The following RBFOX2 variants were observed in gnomAD, a reference collection of about 807,000 sequenced individuals.
RBFOX2 encodes the protein RNA binding protein fox-1 homolog 2.
A neutral mutation model predicts 49.1 loss-of-function variants in RBFOX2; 10 were observed. That is an observed-to-expected ratio of 0.20 (90% CI 0.13 to 0.35). The LOEUF (loss-of-function observed/expected upper bound fraction) is 0.35, where lower values mean the gene tolerates loss of function less well. Among genes scored for constraint, RBFOX2 ranks in the 10% least tolerant of loss-of-function variants. The pLI is 1.00. For synonymous variants in RBFOX2, 183 were observed against 187.4 expected (o/e 0.98, Z 0.19); for missense variants, 323 against 486.9 (o/e 0.66, Z 3.17).
chr22:35,974,218 G>A (rs978307202), intron 1 of RBFOX2, among the ~76,000 whole-genome samples: 1 of 152,204 alleles, frequency 6.6e-6, no homozygotes, highest in Middle Eastern at 3.2e-3. Context: ...AAGAATTGCC[G>A]CCTTTTCCTT....
intron 1 of RBFOX2, chr22:35,824,354 C>T (rs1955187608): frequency 6.6e-6 from 1 of 152,186 alleles, no homozygotes; most frequent in African/African-American, 2.4e-5. Flanking sequence ...CTCCCTCCTT[C>T]TTCATGAATG....
At chr22:35,746,374 A>C in intron 10 of RBFOX2, 99 bp downstream of exon 12, 4 of 1,117,750 alleles carry the variant, frequency 3.6e-6, no homozygotes, top group Non-Finnish European at 5.2e-6. Context: ...CGATGTGCTA[A>C]GAGCTGCTGT....
chr22:35,980,714 C>G (rs891171559), intron 1 of RBFOX2, among the ~76,000 whole-genome samples: 1 of 151,912 alleles, frequency 6.6e-6, no homozygotes, highest in Non-Finnish European at 1.5e-5. Context: ...ACACCATTTA[C>G]AAGACAAAAA....
At chr22:35,784,800 C>T (rs749012732) in intron 2 of RBFOX2, among the ~76,000 whole-genome samples, 2 of 152,156 alleles carry the variant, frequency 1.3e-5, no homozygotes, top group African/African-American at 2.4e-5. Flanking sequence ...AGCTGGTTGC[C>T]GTGAGAGGGC....
At chr22:35,787,465 A>C (rs78677655) in intron 2 of RBFOX2, among the ~76,000 whole-genome samples, 2,279 of 152,288 alleles carry the variant, frequency 0.015, 49 homozygotes, top group African/African-American at 0.051. Flanking sequence ...AGAACTACTA[A>C]ACTGATACAG....
At chr22:35,858,095 A>G (rs540719526) in intron 1 of RBFOX2, among the ~76,000 whole-genome samples, 1 of 152,336 alleles carries the variant, frequency 6.6e-6, no homozygotes, top group East Asian at 1.9e-4. Context: ...ATGAGTAAAA[A>G]GAATGGTAGC....
At chr22:35,815,382 C>A (rs866573139) in intron 1 of RBFOX2, among the ~76,000 whole-genome samples, 2 of 152,160 alleles carry the variant, frequency 1.3e-5, no homozygotes, top group African/African-American at 2.4e-5. Flanking sequence ...TAAGAGAACA[C>A]AGAAATGACC....
intron 1 of RBFOX2, among the ~76,000 whole-genome samples, chr22:36,000,975 T>C (rs962762843): frequency 2.0e-5 from 3 of 152,146 alleles, no homozygotes; most frequent in African/African-American, 7.2e-5. Context: ...TCTGACAGAT[T>C]ATATGATTTG....
At chr22:35,962,504 C>T (rs765570659), upstream of RBFOX2, among the ~76,000 whole-genome samples, 1 of 152,160 alleles carries the variant, frequency 6.6e-6, no homozygotes, top group Non-Finnish European at 1.5e-5. Context: ...TAGTAAAATT[C>T]CTGTGGATAT....
chr22:35,846,953 T>C (rs977045375), intron 1 of RBFOX2, among the ~76,000 whole-genome samples: 7 of 152,144 alleles, frequency 4.6e-5, no homozygotes, highest in African/African-American at 1.7e-4. Flanking sequence ...TAAAAGTGCC[T>C]AAGGAAAACC....
rs901866519 is a variant in RBFOX2 at position 35,898,087 on chromosome 22, A to G, written c.-34+40760T>C. On this transcript the variant is annotated intron_variant, in intron 1 of 13. Coordinates refer to the RBFOX2 transcript ENST00000359369. ...ATCTTTATCTCTCGCGTCCCATTCC[A>G]GAAACAGAAGCTAGCCCAGGTCTCC... The G allele has an allele frequency of 1.4e-5, 10 of 736,876 alleles. No individual in the cohort carries two copies. The Admixed American group carries it at 1.4e-4, about 10-fold the overall frequency. The allele number at this position is 736,876 out of a possible 1,614,324, so 45.6% of individuals were successfully genotyped here.
chr22:35,785,593 T>C (rs1372424915), intron 2 of RBFOX2, among the ~76,000 whole-genome samples: 1 of 152,202 alleles, frequency 6.6e-6, no homozygotes, highest in Non-Finnish European at 1.5e-5. Flanking sequence ...AAATGAAGTT[T>C]GAAACTTTAA....
chr22:35,901,205 CG>C (rs1163742270), intron 1 of RBFOX2, among the ~76,000 whole-genome samples: 1 of 152,184 alleles, frequency 6.6e-6, no homozygotes, highest in East Asian at 1.9e-4. Flanking sequence ...AAAAGTTCAA[CG>C]TTCGTTTTTA....
chr22:35,933,522 C>T (rs1044415132), intron 1 of RBFOX2, among the ~76,000 whole-genome samples: 1 of 152,144 alleles, frequency 6.6e-6, no homozygotes, highest in Admixed American at 6.6e-5. Context: ...TGAAGCAAAA[C>T]AAATTATCTC....
At chr22:35,828,628 C>G (rs987824621) in intron 1 of RBFOX2, among the ~76,000 whole-genome samples, 1 of 152,210 alleles carries the variant, frequency 6.6e-6, no homozygotes, top group African/African-American at 2.4e-5. Flanking sequence ...CTGTTCTTAA[C>G]AGCCAGAGTG....
intron 1 of RBFOX2, chr22:35,996,570 A>C (rs1770116164): frequency 1.3e-5 from 2 of 149,864 alleles, no homozygotes. Context: ...GTGCCACTAC[A>C]CTCCAGCCTA....
At chr22:35,919,947 C>A (rs181177479) in intron 1 of RBFOX2, among the ~76,000 whole-genome samples, 37 of 152,356 alleles carry the variant, frequency 2.4e-4, no homozygotes, top group Admixed American at 7.8e-4. Flanking sequence ...CACCTCCACT[C>A]TAGTGGACTT....
At chr22:35,952,321 G>A (rs1384627566) in intron 1 of RBFOX2, among the ~76,000 whole-genome samples, 4 of 152,182 alleles carry the variant, frequency 2.6e-5, no homozygotes, top group Non-Finnish European at 4.4e-5. Context: ...ATAGCTATAA[G>A]TATGACTACA....
intron 1 of RBFOX2, among the ~76,000 whole-genome samples, chr22:35,934,616 G>GCCTTAGGAC (rs2052832888): frequency 6.6e-6 from 1 of 152,152 alleles, no homozygotes; most frequent in East Asian, 1.9e-4. Flanking sequence ...AGCCTTAGGA[G>GCCTTAGGAC]CCTTAGGACC....
Sources: allele counts gnomAD v4.1 joint callset (sites outside exome capture counted in the v4.1 genomes callset), GRCh38; gene constraint gnomAD v4.1.1; transcripts MANE v1.5; gene names NCBI Gene and HGNC (gene_info 2026-07-23, HGNC 2026-07-21).